Variants in SMOC1 observed in about 807,000 individuals in gnomAD.
SMOC1 encodes SPARC-related modular calcium-binding protein 1.
In SMOC1, 22 loss-of-function variants were observed where a neutral mutation model predicts 56.3. The observed-to-expected ratio is 0.39, with a 90% CI of 0.28 to 0.56. The LOEUF is 0.56. Among genes scored for constraint, SMOC1 ranks in the 20% least tolerant of loss-of-function variants. The pLI, the probability that SMOC1 is intolerant of heterozygous loss-of-function variation, is 0.61. For synonymous variants in SMOC1, 193 were observed against 215.0 expected, an observed-to-expected ratio of 0.90 and a Z score of 0.89; for missense variants, 509 against 565.4, an observed-to-expected ratio of 0.90 and a Z score of 1.01.
rs192825808 is a variant in SMOC1 at position 70,029,553 on chromosome 14, C to G, written c.1292-689C>G. On this transcript the variant is annotated intron_variant, in intron 11 of 11. Coordinates refer to ENST00000361956, the MANE Select transcript of SMOC1 (RefSeq NM_001034852.3). ...AAGTAGGGCCAAACAACTTTTTGCT[C>G]TTTCCCAAGTCTGCTCTTTATTCTG... 3.9e-5 allele frequency among the ~76,000 whole-genome samples: 6 copies of G among 152,300 alleles called. No homozygotes were observed. The East Asian group carries it at 1.2e-3, about 29-fold the overall frequency.
rs528644350 is a variant in SMOC1 at position 69,904,739 on chromosome 14, C to T, written c.99+24962C>T. 2.3e-3 allele frequency among the ~76,000 whole-genome samples: 354 copies of T among 152,298 alleles called. 5 individuals carry two copies. The highest frequency in any genetic ancestry group is 0.02 in the Middle Eastern group (6 of 294). ...CACCTGCTGCTGAGTGCCTTGTGCT[C>T]ATCATGGAGCCTGTCTGAAACTCGG... On this transcript the variant is annotated intron_variant, in intron 1 of 11. Transcript: ENST00000361956.
rs574927674 is a variant in SMOC1, at chr14:69,986,212, A to G, written c.527-6205A>G. Among the ~76,000 whole-genome samples the G allele has an allele frequency of 3.3e-5, 5 of 152,366 alleles. No individual in the cohort carries two copies. In the South Asian group the frequency reaches 1.0e-3, roughly 32 times the overall value. On this transcript the variant is annotated intron_variant, in intron 5 of 11. Coordinates refer to ENST00000361956, the MANE Select transcript of SMOC1 (RefSeq NM_001034852.3). ...AACAGTCTAGAAATGACAGCATTATAGAGATGGAGAACAGATTAGTGGTTG... is the reference window on the plus strand; with the variant it reads ...AACAGTCTAGAAATGACAGCATTATGGAGATGGAGAACAGATTAGTGGTTG...
intron 1 of SMOC1, among the ~76,000 whole-genome samples, chr14:69,896,334 A>C (rs1025303860): frequency 1.3e-5 from 2 of 152,208 alleles, no homozygotes. Context: ...TATCTTTCTC[A>C]GAAAAGCCAC....
At chr14:70,019,032 T>G (rs1885618592) in intron 10 of SMOC1, among the ~76,000 whole-genome samples, 1 of 152,222 alleles carries the variant, frequency 6.6e-6, no homozygotes, top group Non-Finnish European at 1.5e-5. Flanking sequence ...CAAAGCAGGT[T>G]TCCTTGTGGT....
At chr14:69,985,449 C>T (rs541555394) in intron 5 of SMOC1, among the ~76,000 whole-genome samples, 6 of 152,014 alleles carry the variant, frequency 3.9e-5, no homozygotes, top group Admixed American at 6.6e-5. Flanking sequence ...AACCTGTACA[C>T]GAACAAGAAG....
intron 10 of SMOC1, among the ~76,000 whole-genome samples, chr14:70,014,349 A>G (rs1443738654): frequency 2.6e-5 from 4 of 152,200 alleles, no homozygotes. Flanking sequence ...TTCCTGGAGA[A>G]GGTGATATCT....
intron 10 of SMOC1, among the ~76,000 whole-genome samples, chr14:70,022,576 T>C (rs946558707): frequency 3.3e-5 from 5 of 152,252 alleles, no homozygotes; most frequent in Non-Finnish European, 5.9e-5. Context: ...CTGACCCAGT[T>C]GCTTTCTTCT....
intron 10 of SMOC1, among the ~76,000 whole-genome samples, chr14:70,021,942 A>G (rs941498058): frequency 6.6e-6 from 1 of 152,202 alleles, no homozygotes; most frequent in African/African-American, 2.4e-5. Context: ...ACCCTGATCT[A>G]GGATCCCTCT....
intron 5 of SMOC1, among the ~76,000 whole-genome samples, chr14:69,985,901 C>A (rs765626071): frequency 6.6e-6 from 1 of 152,006 alleles, no homozygotes; most frequent in East Asian, 1.9e-4. Flanking sequence ...CTATACCGTG[C>A]CTAATTTATA....
chr14:70,017,465 G>T (rs1885558926), intron 10 of SMOC1, among the ~76,000 whole-genome samples: 1 of 152,200 alleles, frequency 6.6e-6, no homozygotes, highest in South Asian at 2.1e-4. Flanking sequence ...CAGAGTTGGG[G>T]CTACAGGCAT....
chr14:69,981,309 T>G (rs1451155745), intron 5 of SMOC1, among the ~76,000 whole-genome samples: 1 of 152,186 alleles, frequency 6.6e-6, no homozygotes, highest in African/African-American at 2.4e-5. Context: ...ACTATTTACT[T>G]AATCCCTTGG....
At chr14:69,921,254 T>G (rs779925051) in intron 1 of SMOC1, among the ~76,000 whole-genome samples, 5 of 152,126 alleles carry the variant, frequency 3.3e-5, no homozygotes, top group Non-Finnish European at 7.3e-5. Context: ...GGTCATTACA[T>G]CATGGGCAAG....
chr14:70,025,450 C>A (rs1182761603), intron 11 of SMOC1, among the ~76,000 whole-genome samples: 3 of 152,126 alleles, frequency 2.0e-5, no homozygotes, highest in African/African-American at 7.2e-5. Context: ...GTGTGACTGA[C>A]TTCATTACTC....
chr14:69,952,428 A>T (rs1460761309), intron 2 of SMOC1, 125 bp downstream of exon 2: 1 of 1,110,628 alleles, frequency 9.0e-7, no homozygotes, highest in East Asian at 2.6e-5. Flanking sequence ...CTATCTCTCC[A>T]CCCCTTCCAC....
At chr14:70,017,040 T>C (rs1047103081) in intron 10 of SMOC1, among the ~76,000 whole-genome samples, 7 of 152,244 alleles carry the variant, frequency 4.6e-5, no homozygotes, top group African/African-American at 1.7e-4. Flanking sequence ...TTCCCTCCTG[T>C]ATTCCCAGAG....
intron 3 of SMOC1, among the ~76,000 whole-genome samples, chr14:69,973,065 G>A (rs10136306): frequency 0.13 from 19,126 of 152,196 alleles, 2,623 homozygotes; most frequent in African/African-American, 0.34. Flanking sequence ...ATTGACCAAG[G>A]AGGAGAGAGC....
intron 1 of SMOC1, among the ~76,000 whole-genome samples, chr14:69,925,177 G>A (rs148656770): frequency 0.12 from 9,265 of 77,642 alleles, 1,218 homozygotes; most frequent in East Asian, 0.39. Context: ...GGAGAGGTAG[G>A]GGAGGTAGGG....
At position 70,032,171 on chromosome 14, in the gene SMOC1, T is replaced by G. The variant is rs1886176154; in HGVS notation, c.*1913T>G. 1 of 152,228 alleles carries G rather than the reference T, an allele frequency of 6.6e-6. No homozygotes were observed. The highest frequency in any genetic ancestry group is 1.5e-5 in the Non-Finnish European group (1 of 68,042). 9.4% of individuals were successfully genotyped at this position (152,228 alleles called of 1,614,324 possible). On this transcript the variant is annotated 3_prime_UTR_variant, in exon 12 of 12. Transcript: ENST00000361956. Reference sequence around the variant, plus strand: ...GCCTTGCACGAGACACTGGCCCCACTTTCAGGCCTGGAGGAAGCATGCACA... The same window carrying G: ...GCCTTGCACGAGACACTGGCCCCACGTTCAGGCCTGGAGGAAGCATGCACA...
At chr14:69,935,203 T>G (rs61980648) in intron 1 of SMOC1, among the ~76,000 whole-genome samples, 7,332 of 152,296 alleles carry the variant, frequency 0.048, 228 homozygotes, top group Non-Finnish European at 0.074. Flanking sequence ...GGACCCCAAA[T>G]AGATTTAGAT....
Sources: gnomAD v4.1 joint callset for allele counts (sites outside exome capture counted in the v4.1 genomes callset) on GRCh38, gnomAD v4.1.1 for gene constraint, MANE v1.5 for transcripts, NCBI Gene and HGNC (gene_info 2026-07-23, HGNC 2026-07-21) for gene names.